The following COL4A6 variants were observed in gnomAD, a reference collection of about 807,000 sequenced individuals.
The protein encoded by COL4A6 is collagen type IV alpha 6 chain.
Under a neutral mutation model 126.7 loss-of-function variants are expected in COL4A6, and 59 were observed. The ratio of observed to expected loss-of-function variants is 0.47; its 90% CI spans 0.38 to 0.58. The LOEUF is 0.58. COL4A6 is among the 20% of genes least tolerant of loss of function. COL4A6 has a pLI of 0.00. For synonymous variants in COL4A6, 547 were observed against 496.6 expected (o/e 1.10, Z -1.35); for missense variants, 1,285 against 1,337.3 (o/e 0.96, Z 0.61).
chrX:108,300,735 G>C (rs1005203129), intron 3 of COL4A6, among the ~76,000 whole-genome samples: 1 of 109,043 alleles, frequency 9.2e-6, no homozygotes, highest in African/African-American at 3.4e-5. Flanking sequence ...GTGTGTGTGT[G>C]TGTGTGTGTG....
At chrX:108,279,850 C>A (rs1245638085) in intron 3 of COL4A6, among the ~76,000 whole-genome samples, 1 of 111,348 alleles carries the variant, frequency 9.0e-6, no homozygotes, top group South Asian at 3.8e-4. Flanking sequence ...CAATCAAAAC[C>A]GCACAACTAC....
rs946513352 is a variant in COL4A6 at position 108,260,577 on chromosome X, T to C, written c.145-39203A>G. On this transcript the variant is annotated intron_variant, in intron 3 of 44. Coordinates refer to ENST00000334504, the MANE Select transcript of COL4A6 (RefSeq NM_033641.4). ...TGTCTTTCTCTTGTCTGCCACCATG[T>C]GAGATGTGCCTTTTTCCTTCCGCCA... Among the ~76,000 whole-genome samples the C allele has an allele frequency of 2.7e-5, 3 of 111,041 alleles. No individual in the cohort carries two copies. In the Admixed American group the frequency reaches 2.9e-4, roughly 11 times the overall value.
At chrX:108,169,423 C>A in intron 37 of COL4A6, 72 bp downstream of exon 37, 2 of 1,172,149 alleles carry the variant, frequency 1.7e-6, no homozygotes, top group South Asian at 1.9e-5. Context: ...GCCACATGGC[C>A]CTGCTGTACC....
At chrX:108,288,273 A>G (rs1023597087) in intron 3 of COL4A6, among the ~76,000 whole-genome samples, 10 of 112,067 alleles carry the variant, frequency 8.9e-5, no homozygotes, top group Non-Finnish European at 1.9e-4. Flanking sequence ...AGTAAGGTCA[A>G]ATACCTGGAT....
At chrX:108,382,973 A>G (rs1334064390) in intron 2 of COL4A6, among the ~76,000 whole-genome samples, 1 of 103,160 alleles carries the variant, frequency 9.7e-6, no homozygotes, top group Non-Finnish European at 2.0e-5. Flanking sequence ...AATAATAATA[A>G]TAATAATAAT....
chrX:108,383,442 T>C (rs1019030176), intron 2 of COL4A6: 24 of 494,572 alleles, frequency 4.9e-5, no homozygotes, highest in Non-Finnish European at 6.8e-5. Flanking sequence ...GCTATCCCTG[T>C]GCCTCCTACA....
At chrX:108,389,918 G>C (rs1298815552) in intron 2 of COL4A6, among the ~76,000 whole-genome samples, 1 of 111,475 alleles carries the variant, frequency 9.0e-6, no homozygotes, top group Non-Finnish European at 1.9e-5. Context: ...TTGTAAGGCA[G>C]GCCCGGTGGT....
At chrX:108,214,960 T>C (rs2035818439) in intron 5 of COL4A6, among the ~76,000 whole-genome samples, 1 of 111,890 alleles carries the variant, frequency 8.9e-6, no homozygotes, top group Non-Finnish European at 1.9e-5. Flanking sequence ...AGTCTACCCT[T>C]TTGTAGATAA....
At chrX:108,287,308 T>C (rs1036158648) in intron 3 of COL4A6, among the ~76,000 whole-genome samples, 46 of 112,209 alleles carry the variant, frequency 4.1e-4, no homozygotes, top group African/African-American at 1.3e-3. Flanking sequence ...ATTTCCCTGC[T>C]CTTTTTGATG....
At chrX:108,243,329 T>C (rs1041992188) in intron 3 of COL4A6, among the ~76,000 whole-genome samples, 2 of 111,008 alleles carry the variant, frequency 1.8e-5, no homozygotes, top group African/African-American at 6.6e-5. Context: ...GTATTGGAGA[T>C]GAGGCCTTTA....
At chrX:108,333,439 G>A (rs1478188422) in intron 2 of COL4A6, among the ~76,000 whole-genome samples, 1 of 110,839 alleles carries the variant, frequency 9.0e-6, no homozygotes, top group Non-Finnish European at 1.9e-5. Flanking sequence ...AGCCATACCT[G>A]ACAAACCCAC....
chrX:108,322,933 G>C (rs989749730), intron 2 of COL4A6, among the ~76,000 whole-genome samples: 2 of 112,276 alleles, frequency 1.8e-5, no homozygotes, highest in Admixed American at 1.9e-4. Context: ...ATTTAACTGA[G>C]TGTCATCTGT....
intron 13 of COL4A6, among the ~76,000 whole-genome samples, chrX:108,199,430 A>C (rs772741199): frequency 6.8e-4 from 76 of 111,573 alleles, no homozygotes; most frequent in Non-Finnish European, 1.2e-3. Context: ...GGACTGAAGG[A>C]GTTACCTGAT....
intron 2 of COL4A6, among the ~76,000 whole-genome samples, chrX:108,404,345 A>T (rs753923780): frequency 8.9e-6 from 1 of 112,135 alleles, no homozygotes; most frequent in South Asian, 3.8e-4. Flanking sequence ...TATTCTACTG[A>T]TAAATTCTAA....
intron 2 of COL4A6, among the ~76,000 whole-genome samples, chrX:108,379,318 T>C (rs762566250): frequency 3.2e-3 from 357 of 110,231 alleles, no homozygotes; most frequent in Admixed American, 6.8e-3. Flanking sequence ...GGCGCAATCA[T>C]AGCTCACTGC....
rs1374705905 is a variant in COL4A6 at position 108,193,676 on chromosome X, G to A, written c.1024C>T (p.Leu342=). Residue 342 remains leucine, a synonymous_variant, in exon 17 of 45, where the codon CTG becomes TTG. Transcript: ENST00000334504. ...GIEGQKGDIG[L]PGPDVFIDID... The stretch of plus-strand genomic sequence containing the variant: ...TCGATGAAAACATCTGGGCCTGGCA[G>A]GCCAATGTCACCCTTTTGACCCTGC... The A allele has an allele frequency of 1.7e-6, 2 of 1,207,948 alleles. No homozygotes were observed. Among genetic ancestry groups the A allele is most frequent in the Admixed American group, 4.4e-5 (2 of 45,941 alleles).
intron 2 of COL4A6, among the ~76,000 whole-genome samples, chrX:108,367,488 G>A (rs2040227997): frequency 8.9e-6 from 1 of 111,745 alleles, no homozygotes; most frequent in African/African-American, 3.3e-5. Flanking sequence ...TGTTATCTAT[G>A]TGACAAATTG....
chrX:108,230,463 C>G (rs2036274333), intron 3 of COL4A6, among the ~76,000 whole-genome samples: 1 of 111,451 alleles, frequency 9.0e-6, no homozygotes, highest in Non-Finnish European at 1.9e-5. Context: ...AGCCTAGAAA[C>G]AAGGTGGCTT....
At chrX:108,188,167 A>G (rs763263724) in intron 21 of COL4A6, 140 bp from the exon 22 acceptor site, 1 of 457,645 alleles carries the variant, frequency 2.2e-6, no homozygotes, top group Admixed American at 4.3e-5. Context: ...GTAATCTTGA[A>G]TAATAGTTGC....
Sources: gnomAD v4.1 joint callset for allele counts (sites outside exome capture counted in the v4.1 genomes callset) on GRCh38, gnomAD v4.1.1 for gene constraint, MANE v1.5 for transcripts, NCBI Gene and HGNC (gene_info 2026-07-23, HGNC 2026-07-21) for gene names.